The following UST variants were observed in gnomAD, a reference collection of about 807,000 sequenced individuals.
UST encodes chondroitin sulfate 2-O-sulfotransferase.
A neutral mutation model predicts 45.6 loss-of-function variants in UST; 21 were observed. The observed-to-expected ratio is 0.46, with a 90% CI of 0.33 to 0.66. The LOEUF (loss-of-function observed/expected upper bound fraction) is 0.66, where lower values mean the gene tolerates loss of function less well. Ranked by LOEUF, UST falls within the 30% of genes least tolerant of loss-of-function variation. The pLI, the probability that UST is intolerant of heterozygous loss-of-function variation, is 0.02. For missense variants in UST, 463 were observed against 512.4 expected (o/e 0.90, Z 0.93); for synonymous variants, 215 against 200.6 (o/e 1.07, Z -0.61).
At chr6:148,976,793 A>G (rs969774355) in intron 5 of UST, among the ~76,000 whole-genome samples, 13 of 152,158 alleles carry the variant, frequency 8.5e-5, no homozygotes, top group East Asian at 1.9e-4. Context: ...AATTGCAAGT[A>G]TTGTTTTCCT....
chr6:148,849,445 GT>G (rs1778063287), intron 1 of UST, among the ~76,000 whole-genome samples: 1 of 152,152 alleles, frequency 6.6e-6, no homozygotes, highest in African/African-American at 2.4e-5. Context: ...CACATTTCAA[GT>G]TTATTCCGGG....
At position 148,789,426 on chromosome 6, in the gene UST, ATCTCTC is replaced by A. The variant is rs751939500; in HGVS notation, c.247+41772_247+41777del. ...GCAAGGATCTAGAGTTCTTGTGCAG[ATCTCTC>A]TCTCTCTCTCTCTCTCTCTCTCACA... On this transcript the variant is annotated intron_variant, in intron 1 of 7. Transcript: ENST00000367463. Among the ~76,000 whole-genome samples, 198 of 143,622 alleles carry A rather than the reference ATCTCTC, an allele frequency of 1.4e-3. No individual in the cohort carries two copies. In the South Asian group the frequency reaches 0.018, roughly 13 times the overall value. The allele number at this position is 143,622 out of a possible 152,430, so 94.2% of individuals were successfully genotyped here.
At chr6:148,896,145 A>T (rs1214608278) in intron 2 of UST, among the ~76,000 whole-genome samples, 1 of 152,258 alleles carries the variant, frequency 6.6e-6, no homozygotes, top group Non-Finnish European at 1.5e-5. Flanking sequence ...TGGATCCAAA[A>T]GTCCCCATTT....
chr6:148,827,225 G>A (rs779251351), intron 1 of UST, among the ~76,000 whole-genome samples: 1 of 152,148 alleles, frequency 6.6e-6, no homozygotes, highest in Non-Finnish European at 1.5e-5. Flanking sequence ...GAATAGATTT[G>A]CTAATTTAAT....
rs117919305 is a variant in UST, at chr6:148,908,982, A to G, written c.291+21953A>G. On this transcript the variant is annotated intron_variant, in intron 2 of 7. Transcript: ENST00000367463. ...TTTACTCTTAATCATCTAATTATTT[A>G]CTGTTGATTTTGTGGTTGTATGACC... is the stretch of plus-strand genomic sequence containing the variant. Among the ~76,000 whole-genome samples the G allele has an allele frequency of 6.1e-3, 925 of 152,310 alleles. 5 individuals carry two copies. The highest frequency in any genetic ancestry group is 7.7e-3 in the Non-Finnish European group (527 of 68,012).
At chr6:149,001,927 A>G (rs567875579) in intron 5 of UST, among the ~76,000 whole-genome samples, 1 of 152,328 alleles carries the variant, frequency 6.6e-6, no homozygotes, top group Non-Finnish European at 1.5e-5. Flanking sequence ...AGAAAACCAA[A>G]TTACTTCATG....
rs141351904 is a variant in UST, at chr6:148,978,866, A to C, written c.681+14303A>C. Among the ~76,000 whole-genome samples, 344 of 152,260 alleles carry C rather than the reference A, an allele frequency of 2.3e-3. 2 individuals are homozygous for C. Among genetic ancestry groups the C allele is most frequent in the African/African-American group, 7.9e-3 (329 of 41,548 alleles). ...TTTTTTAAAAAAAAATTGGTTTCTC[A>C]TAGAAGTCAGATAATTGAAGTAAAA... is the stretch of plus-strand genomic sequence containing the variant. On this transcript the variant is annotated intron_variant, in intron 5 of 7. Coordinates refer to ENST00000367463, the MANE Select transcript of UST (RefSeq NM_005715.3).
At chr6:148,804,097 GA>G (rs1211249655) in intron 1 of UST, among the ~76,000 whole-genome samples, 1 of 152,170 alleles carries the variant, frequency 6.6e-6, no homozygotes, top group African/African-American at 2.4e-5. Flanking sequence ...AGAAATGAGG[GA>G]AATGCAGGAA....
chr6:148,883,627 T>C (rs1231313349), intron 1 of UST, among the ~76,000 whole-genome samples: 2 of 152,190 alleles, frequency 1.3e-5, no homozygotes, highest in East Asian at 1.9e-4. Context: ...TCCCAGACCA[T>C]GTCTATGACC....
At chr6:148,862,857 CAA>C (rs1370834759) in intron 1 of UST, among the ~76,000 whole-genome samples, 13 of 152,180 alleles carry the variant, frequency 8.5e-5, no homozygotes, top group African/African-American at 3.1e-4. Flanking sequence ...GAGTTTCTGC[CAA>C]GAGACCAGCT....
At chr6:149,057,790 C>G (rs1776589148) in intron 7 of UST, among the ~76,000 whole-genome samples, 1 of 152,110 alleles carries the variant, frequency 6.6e-6, no homozygotes, top group South Asian at 2.1e-4. Flanking sequence ...CAATATAGCA[C>G]AGATGTGTTT....
chr6:149,029,310 T>C (rs982292269), intron 7 of UST, among the ~76,000 whole-genome samples: 2 of 148,064 alleles, frequency 1.4e-5, no homozygotes, highest in African/African-American at 2.5e-5. Flanking sequence ...ATATATAAAG[T>C]ATATGTAATA....
Position 148,976,331 on chromosome 6 carries a change from T to A in UST, c.681+11768T>A, listed in dbSNP as rs550244895. On this transcript the variant is annotated intron_variant, in intron 5 of 7. Transcript: ENST00000367463. Reference sequence around the variant, plus strand: ...TCTGTGGTGTCAATACTTCTCACCATGGTGATTTCAAACTACGAACATGAC... The same window carrying A: ...TCTGTGGTGTCAATACTTCTCACCAAGGTGATTTCAAACTACGAACATGAC... 3.3e-5 allele frequency among the ~76,000 whole-genome samples: 5 copies of A among 152,350 alleles called. No individual in the cohort carries two copies. The South Asian group carries it at 1.0e-3, about 32-fold the overall frequency.
At chr6:148,901,761 G>A (rs1382790081) in intron 2 of UST, among the ~76,000 whole-genome samples, 1 of 152,142 alleles carries the variant, frequency 6.6e-6, no homozygotes, top group African/African-American at 2.4e-5. Flanking sequence ...GTTTTGCCAT[G>A]TTGGCCAGGC....
chr6:149,029,455 ACAT>A (rs1302802407), intron 7 of UST, among the ~76,000 whole-genome samples: 2 of 136,210 alleles, frequency 1.5e-5, no homozygotes, highest in Admixed American at 1.5e-4. Context: ...TATTATATAT[ACAT>A]TATATATTAT....
chr6:148,838,723 C>G (rs956359876), intron 1 of UST, among the ~76,000 whole-genome samples: 1 of 152,100 alleles, frequency 6.6e-6, no homozygotes, highest in Admixed American at 6.6e-5. Context: ...AATAAGATCC[C>G]TGTCACCCCT....
intron 1 of UST, among the ~76,000 whole-genome samples, chr6:148,852,313 T>C (rs1488615200): frequency 1.3e-5 from 2 of 152,160 alleles, no homozygotes; most frequent in African/African-American, 2.4e-5. Context: ...CCGAAACATA[T>C]GTTGCGTTTG....
At chr6:149,033,022 C>T (rs975165441) in intron 7 of UST, among the ~76,000 whole-genome samples, 4 of 152,184 alleles carry the variant, frequency 2.6e-5, no homozygotes, top group African/African-American at 9.7e-5. Flanking sequence ...TTTGGACTTT[C>T]CTGATAACGC....
chr6:148,871,032 G>A (rs1778539989), intron 1 of UST, among the ~76,000 whole-genome samples: 2 of 151,516 alleles, frequency 1.3e-5, no homozygotes, highest in Non-Finnish European at 2.9e-5. Flanking sequence ...TGGGGCCTTT[G>A]GGAGGTGATT....
Sources: gnomAD v4.1 joint callset for allele counts (sites outside exome capture counted in the v4.1 genomes callset) on GRCh38, gnomAD v4.1.1 for gene constraint, MANE v1.5 for transcripts, NCBI Gene and HGNC (gene_info 2026-07-23, HGNC 2026-07-21) for gene names.